The following GBGT1 variants were observed in gnomAD, a reference collection of about 807,000 sequenced individuals.
GBGT1 encodes globoside alpha-1,3-N-acetylgalactosaminyltransferase 1 (FORS blood group), also known as globoside alpha-1,3-N-acetylgalactosaminyltransferase 1.
A neutral mutation model predicts 20.9 loss-of-function variants in GBGT1; 18 were observed. That is an observed-to-expected ratio of 0.86 (90% CI 0.60 to 1.28). The LOEUF is 1.28. Ranked by LOEUF, GBGT1 falls within the 50% of genes most tolerant of loss-of-function variation. GBGT1 has a pLI of 0.00. For synonymous variants in GBGT1, 168 were observed against 180.8 expected (o/e 0.93, Z 0.57); for missense variants, 432 against 455.7 (o/e 0.95, Z 0.47).
Position 133,154,894 on chromosome 9 carries a change from C to G in GBGT1, c.359+284G>C. The G allele has an allele frequency of 2.6e-6, 1 of 388,044 alleles. No individual in the cohort carries two copies. Among genetic ancestry groups the G allele is most frequent in the Non-Finnish European group, 4.6e-6 (1 of 215,058 alleles). The allele number at this position is 388,044 out of a possible 1,614,324, so 24.0% of individuals were successfully genotyped here. A position where few individuals can be genotyped will look rare whatever the true frequency, so the allele number is the denominator to read the frequency against. On this transcript the variant is annotated intron_variant, in intron 6 of 6. Coordinates refer to ENST00000372040, the MANE Select transcript of GBGT1 (RefSeq NM_021996.6). The surrounding 1 kb of genome is among the most constrained non-coding windows in gnomAD (Gnocchi z 4.2). ...GGAGAGACAAGGGCAGAGGAGGGGT[C>G]TAGATGAAACAGGGAGGGGCAAGGG... is the stretch of plus-strand genomic sequence containing the variant.
chr9:133,161,637 TAGGAGGCC>T (rs1484491217), intron 2 of GBGT1, 105 bp from the exon 3 acceptor site: 1 of 726,646 alleles, frequency 1.4e-6, no homozygotes, highest in African/African-American at 1.8e-5. Context: ...CACAGTGCAT[TAGGAGGCC>T]AGGTCCCCTG....
chr9:133,155,828 C>T, intron 5 of GBGT1, 73 bp downstream of exon 5: 3 of 1,523,962 alleles, frequency 2.0e-6, no homozygotes, highest in Admixed American at 1.7e-5. Flanking sequence ...AGCACCTCCA[C>T]TACCCCACCT....
chr9:133,153,908 T>G lies in GBGT1; in HGVS notation c.713A>C (p.Gln238Pro), dbSNP rs35366884. The change falls in exon 7 of 7, where the codon CAG (glutamine) becomes CCG (proline). Residue 238 changes from glutamine (Q) to proline (P), a missense_variant. By Grantham distance (76) the Gln-to-Pro change is moderately conservative. Transcript: ENST00000372040. Reference protein sequence around the residue: ...HPSYYAVPRQQFPYERRRVST... With the variant: ...HPSYYAVPRQPFPYERRRVST... ...AACACGCCTGCGCTCATAGGGGAAC[T>G]GCTGGCGGGGAACGGCGTAGTAGCT... 1.0e-3 allele frequency: 1,645 copies of G among 1,605,040 alleles called. 11 individuals carry two copies. The African/African-American group carries it at 0.019, about 19-fold the overall frequency.
At chr9:133,158,665 A>C (rs993870845) in intron 3 of GBGT1, among the ~76,000 whole-genome samples, 1 of 152,126 alleles carries the variant, frequency 6.6e-6, no homozygotes, top group Non-Finnish European at 1.5e-5. Context: ...ATGCTCTTTT[A>C]TTTGTGGTAA....
At position 133,153,775 on chromosome 9, in the gene GBGT1, G is replaced by A. The variant is rs201573400; in HGVS notation, c.846C>T (p.Ala282=). ...TGCCATTGGCCTTGTCCGCCAGGAT[G>A]GCCATGTGGCAGCCCCTAGTAAACT... The part of the protein sequence containing the change: ...VYEFTRGCHM[A]ILADKANGIM... Residue 282 remains alanine (A), a synonymous_variant, in exon 7 of 7, where the codon GCC becomes GCT. Transcript: ENST00000372040. The A allele has an allele frequency of 4.7e-4, 761 of 1,608,478 alleles. 5 individuals are homozygous for A. The highest frequency in any genetic ancestry group is 4.0e-3 in the South Asian group (362 of 90,132).
intron 2 of GBGT1, 103 bp from the exon 3 acceptor site, chr9:133,161,635 A>T (rs1416511359): frequency 8.1e-6 from 6 of 736,314 alleles, no homozygotes; most frequent in Non-Finnish European, 1.1e-5. Flanking sequence ...CCCACAGTGC[A>T]TTAGGAGGCC....
intron 5 of GBGT1, 77 bp from the exon 6 acceptor site, chr9:133,155,389 A>G (rs1832842671): frequency 6.4e-7 from 1 of 1,572,018 alleles, no homozygotes; most frequent in Middle Eastern, 2.1e-4. Context: ...TGGCTCTCAC[A>G]CTGTGTGACC....
chr9:133,160,135 C>A (rs1832992864), intron 3 of GBGT1: 1 of 347,028 alleles, frequency 2.9e-6, no homozygotes, highest in Non-Finnish European at 5.9e-6. Flanking sequence ...ACTAAAAATA[C>A]AAAAATTAGC....
Position 133,162,405 on chromosome 9 carries a change from C to T in GBGT1, c.8G>A (p.Arg3His), listed in dbSNP as rs376486008. 2.4e-5 allele frequency: 39 copies of T among 1,605,978 alleles called. 1 individual carries two copies. In the South Asian group the frequency reaches 2.5e-4, roughly 10 times the overall value. The part of the protein sequence containing the change: MH[R>H]RRLALGLGFC... ...CCCCAGACCCAGGGCCAGTCTCCGG[C>T]GATGCATTGCTGGGGGCTGCACCTG... The change falls in exon 2 of 7, where the codon CGC (arginine) becomes CAC (histidine). Residue 3 changes from arginine to histidine, a missense_variant. Coordinates refer to ENST00000372040, the MANE Select transcript of GBGT1 (RefSeq NM_021996.6).
chr9:133,153,658 G>C lies in GBGT1; in HGVS notation c.963C>G (p.Asp321Glu). The C allele has an allele frequency of 1.2e-6, 2 of 1,610,268 alleles. No individual in the cohort carries two copies. The highest frequency in any genetic ancestry group is 2.2e-5 in the South Asian group (2 of 90,664). The stretch of plus-strand genomic sequence containing the variant: ...GGCTGGGTGGCTGGGGCTTCCTGTC[G>C]TCCCAGAGGTACTCGGGGGACAGCA... ...SKVLSPEYLW[D>E]DRKPQPPSLK... Residue 321 changes from aspartate (D) to glutamate (E), a missense_variant, in exon 7 of 7, where the codon GAC becomes GAG. Transcript: ENST00000372040.
rs1380993603 is a variant in GBGT1 at position 133,162,457 on chromosome 9, C to G, written c.-45G>C. The G allele has an allele frequency of 6.5e-7, 1 of 1,528,136 alleles. No homozygotes were observed. The highest frequency in any genetic ancestry group is 8.9e-7 in the Non-Finnish European group (1 of 1,118,542). 94.7% of individuals were successfully genotyped at this position (1,528,136 alleles called of 1,614,324 possible). A position where few individuals can be genotyped will look rare whatever the true frequency, so the allele number is the denominator to read the frequency against. ...GCCTGGGCACTTGTAGAGACCCCCA[C>G]TGGCCTGGGCGGATGAGGCTGTCCC... On this transcript the variant is annotated 5_prime_UTR_variant, in exon 2 of 7. Transcript: ENST00000372040.
chr9:133,153,110 T>C lies in GBGT1; in HGVS notation c.*467A>G, dbSNP rs547466538. 6.5e-6 allele frequency: 1 copy of C among 152,874 alleles called. No individual in the cohort carries two copies. The highest frequency in any genetic ancestry group is 2.1e-4 in the South Asian group (1 of 4,836). The allele number at this position is 152,874 out of a possible 1,614,324, so 9.5% of individuals were successfully genotyped here. A position where few individuals can be genotyped will look rare whatever the true frequency, so the allele number is the denominator to read the frequency against. Reference sequence around the variant, plus strand: ...TCACTCTGGGGGCCTGAGTGAGGAATTGGCTACATGTGGTTGGGAGACATC... The same window carrying C: ...TCACTCTGGGGGCCTGAGTGAGGAACTGGCTACATGTGGTTGGGAGACATC... On this transcript the variant is annotated 3_prime_UTR_variant, in exon 7 of 7. Coordinates refer to ENST00000372040, the MANE Select transcript of GBGT1 (RefSeq NM_021996.6).
Position 133,153,736 on chromosome 9 carries a change from C to T in GBGT1, c.885G>A (p.Trp295Ter), listed in dbSNP as rs558116023. ...ADKANGIMAA[W>*]REESHLNRHF... ...GACGGTTCAGGTGGCTTTCCTCCCG[C>T]CAGGCAGCCATGATGCCATTGGCCT... Residue 295 changes from tryptophan to a stop codon, truncating the protein, a stop_gained, in exon 7 of 7, where the codon TGG becomes TGA. Transcript: ENST00000372040. LOFTEE classifies it high-confidence loss of function. 1 of 1,613,588 alleles carries T rather than the reference C, an allele frequency of 6.2e-7. No individual in the cohort carries two copies. The highest frequency in any genetic ancestry group is 2.2e-5 in the East Asian group (1 of 44,884).
chr9:133,157,252 C>A (rs925871066), intron 3 of GBGT1, among the ~76,000 whole-genome samples: 1 of 150,726 alleles, frequency 6.6e-6, no homozygotes, highest in Non-Finnish European at 1.5e-5. Flanking sequence ...CTACTGCACT[C>A]CAGCCTGGGC....
chr9:133,157,145 A>G (rs1182731964), intron 3 of GBGT1, among the ~76,000 whole-genome samples: 1 of 152,126 alleles, frequency 6.6e-6, no homozygotes, highest in Non-Finnish European at 1.5e-5. Context: ...TTAGCTGGGT[A>G]TGGTGGTGTG....
Position 133,154,544 on chromosome 9 carries a change from A to T in GBGT1, c.360-283T>A, listed in dbSNP as rs1832813721. On this transcript the variant is annotated intron_variant, in intron 6 of 6. Coordinates refer to ENST00000372040, the MANE Select transcript of GBGT1 (RefSeq NM_021996.6). The surrounding 1 kb of genome is among the most constrained non-coding windows in gnomAD (Gnocchi z 4.2). ...GCCCAGCGACGTTCTAAGAATTCTT[A>T]TGATCTTTGATCTGCATAAGCATGC... 1 of 322,052 alleles carries T rather than the reference A, an allele frequency of 3.1e-6. No individual in the cohort carries two copies. Among genetic ancestry groups the T allele is most frequent in the Admixed American group, 4.4e-5 (1 of 22,664 alleles). The allele number at this position is 322,052 out of a possible 1,614,324, so 19.9% of individuals were successfully genotyped here.
At position 133,162,584 on chromosome 9, in the gene GBGT1, T is replaced by A. The variant is rs2073922; in HGVS notation, c.-120-52A>T. 2.1e-5 allele frequency: 13 copies of A among 624,296 alleles called. No individual in the cohort carries two copies. In the African/African-American group the frequency reaches 2.2e-4, roughly 11 times the overall value. The allele number at this position is 624,296 out of a possible 1,614,324, so 38.7% of individuals were successfully genotyped here. On this transcript the variant is annotated intron_variant, in intron 1 of 6. Coordinates refer to ENST00000372040, the MANE Select transcript of GBGT1 (RefSeq NM_021996.6). ...GAGATAGAGTTTCACTCTTGTCAAC[T>A]GGGCTGGAGTGCAGTGGCGCAATCT...
chr9:133,156,164 C>T, intron 3 of GBGT1, 99 bp from the exon 4 acceptor site: 1 of 1,348,454 alleles, frequency 7.4e-7, no homozygotes, highest in East Asian at 2.5e-5. Context: ...CGGGTGGGCA[C>T]CCAGGGTCCA....
In GBGT1 at chr9:133,154,794, C is replaced by T. The variant is rs1832821143; in HGVS notation, c.359+384G>A. ...TCATGCTTTAGGGCCCCAGGAAGTT[C>T]CAGGAAGGAGTCCCAGAGGCCCAGA... On this transcript the variant is annotated intron_variant, in intron 6 of 6. Coordinates refer to ENST00000372040, the MANE Select transcript of GBGT1 (RefSeq NM_021996.6). This position sits in a 1 kb window ranked among gnomAD's most constrained non-coding sequence, Gnocchi z 4.2. The T allele has an allele frequency of 5.1e-6, 1 of 196,940 alleles. No homozygotes were observed. The highest frequency in any genetic ancestry group is 2.3e-5 in the African/African-American group (1 of 43,042). 12.2% of individuals were successfully genotyped at this position (196,940 alleles called of 1,614,324 possible). A position where few individuals can be genotyped will look rare whatever the true frequency, so the allele number is the denominator to read the frequency against.
Sources: gnomAD v4.1 joint callset for allele counts (sites outside exome capture counted in the v4.1 genomes callset) on GRCh38, gnomAD v4.1.1 for gene constraint, Gnocchi (gnomAD v3.1) non-coding constraint, MANE v1.5 for transcripts, NCBI Gene and HGNC (gene_info 2026-07-23, HGNC 2026-07-21) for gene names.